Variants in ARRB2 observed in about 807,000 individuals in gnomAD.
ARRB2 encodes beta-arrestin-2.
Under a neutral mutation model 53.4 loss-of-function variants are expected in ARRB2, and 21 were observed. The observed-to-expected ratio is 0.39, with a 90% CI of 0.28 to 0.57. The LOEUF (loss-of-function observed/expected upper bound fraction) is 0.57. Among genes scored for constraint, ARRB2 ranks in the 20% least tolerant of loss-of-function variants. The pLI, the probability that ARRB2 is intolerant of heterozygous loss-of-function variation, is 0.55. For missense variants in ARRB2, 369 were observed against 527.5 expected, an observed-to-expected ratio of 0.70 and a Z score of 2.94; for synonymous variants, 180 against 212.9, an observed-to-expected ratio of 0.85 and a Z score of 1.34.
chr17:4,719,198 G>A, intron 10 of ARRB2, 85 bp from the exon 11 acceptor site: 3 of 1,500,108 alleles, frequency 2.0e-6, no homozygotes, highest in Non-Finnish European at 2.7e-6. Flanking sequence ...GACTAGTGAG[G>A]GGGAGATGCT....
intron 5 of ARRB2, chr17:4,716,962 G>A: frequency 1.7e-6 from 1 of 587,652 alleles, no homozygotes; most frequent in East Asian, 2.9e-5. Flanking sequence ...AGCCTCCCGA[G>A]TAGCTGGGAT....
In ARRB2 at chr17:4,717,097, G is replaced by C; in HGVS notation, c.358-120G>C. ...GATCCGCCCACCTTAGCCTTCCAAA[G>C]TGTTGGGATTACAGGCATGAGCCAC... On this transcript the variant is annotated intron_variant, in intron 5 of 14. Transcript: ENST00000269260. This position sits in a 1 kb window ranked among gnomAD's most constrained non-coding sequence, Gnocchi z 6.0. 8.5e-7 allele frequency: 1 copy of C among 1,171,656 alleles called. No individual in the cohort carries two copies. The highest frequency in any genetic ancestry group is 1.3e-6 in the Non-Finnish European group (1 of 786,442). The allele number at this position is 1,171,656 out of a possible 1,614,324, so 72.6% of individuals were successfully genotyped here.
In ARRB2 at chr17:4,717,491, G is replaced by A; in HGVS notation, c.418-194G>A. Reference sequence around the variant, plus strand: ...GACCCGCATGGATCTGGGGATGGGGGCTCCCCTTGCACTACCATGACCAAG... The same window carrying A: ...GACCCGCATGGATCTGGGGATGGGGACTCCCCTTGCACTACCATGACCAAG... On this transcript the variant is annotated intron_variant, in intron 6 of 14. Coordinates refer to ENST00000269260, the MANE Select transcript of ARRB2 (RefSeq NM_004313.4). This position sits in a 1 kb window ranked among gnomAD's most constrained non-coding sequence, Gnocchi z 6.0. The A allele has an allele frequency of 1.1e-6, 1 of 878,806 alleles. No individual in the cohort carries two copies. Among genetic ancestry groups the A allele is most frequent in the Non-Finnish European group, 1.8e-6 (1 of 567,096 alleles). 54.4% of individuals were successfully genotyped at this position (878,806 alleles called of 1,614,324 possible). A position where few individuals can be genotyped will look rare whatever the true frequency, so the allele number is the denominator to read the frequency against.
intron 11 of ARRB2, among the ~76,000 whole-genome samples, chr17:4,719,710 G>A (rs1261264795): frequency 6.6e-6 from 1 of 152,164 alleles, no homozygotes; most frequent in African/African-American, 2.4e-5. Context: ...GGGTGAGCAG[G>A]AAAGGAGGGT....
Position 4,720,988 on chromosome 17 carries a change from G to T in ARRB2, c.1179G>T (p.Arg393=). 3.1e-6 allele frequency: 5 copies of T among 1,614,100 alleles called. No individual in the cohort carries two copies. Among genetic ancestry groups the T allele is most frequent in the Non-Finnish European group, 4.2e-6 (5 of 1,180,004 alleles). ...ACATTGTGTTTGAGGACTTTGCCCGGCTTCGGCTGAAGGGGATGAAGGATG... is the reference window on the plus strand; with the variant it reads ...ACATTGTGTTTGAGGACTTTGCCCGTCTTCGGCTGAAGGGGATGAAGGATG... ...DDDIVFEDFA[R]LRLKGMKDDD... Residue 393 remains arginine, a synonymous_variant, in exon 15 of 15, where the codon CGG becomes CGT. Coordinates refer to ENST00000269260, the MANE Select transcript of ARRB2 (RefSeq NM_004313.4).
intron 10 of ARRB2, 74 bp downstream of exon 10, chr17:4,718,758 G>C (rs1915354795): frequency 3.2e-6 from 4 of 1,241,552 alleles, no homozygotes; most frequent in Non-Finnish European, 4.5e-6. Flanking sequence ...GGTGGAGGAA[G>C]AATTCTTCCT....
intron 4 of ARRB2, 85 bp from the exon 5 acceptor site, chr17:4,716,327 T>G: frequency 6.2e-7 from 1 of 1,611,290 alleles, no homozygotes. Flanking sequence ...AGTCTTATGC[T>G]GCTGAGGGAG....
At chr17:4,713,955 C>T (rs1914691432) in intron 1 of ARRB2, among the ~76,000 whole-genome samples, 1 of 152,188 alleles carries the variant, frequency 6.6e-6, no homozygotes, top group African/African-American at 2.4e-5. Flanking sequence ...CAGAGTGAGA[C>T]TCTGTCTCAA....
chr17:4,710,744 G>C lies in ARRB2; in HGVS notation c.23G>C (p.Arg8Thr), dbSNP rs1914303061. Reference sequence around the variant, plus strand: ...ACCATGGGGGAGAAACCCGGGACCAGGTAAGGGAGGTGGGGCCACGCGGCG... The same window carrying C: ...ACCATGGGGGAGAAACCCGGGACCACGTAAGGGAGGTGGGGCCACGCGGCG... Reference protein sequence around the residue: MGEKPGTRVFKKSSPNCK... With the variant: MGEKPGTTVFKKSSPNCK... The change falls in exon 1 of 15, where the codon AGG becomes ACG. Residue 8 changes from arginine to threonine, a missense_variant and splice_region_variant. Transcript: ENST00000269260. 2.5e-6 allele frequency: 1 copy of C among 399,446 alleles called. No individual in the cohort carries two copies. Among genetic ancestry groups the C allele is most frequent in the Non-Finnish European group, 4.4e-6 (1 of 226,628 alleles). The allele number at this position is 399,446 out of a possible 1,614,324, so 24.7% of individuals were successfully genotyped here.
chr17:4,720,943 A>G lies in ARRB2; in HGVS notation c.1137-3A>G, dbSNP rs1203725808. The G allele has an allele frequency of 1.2e-6, 2 of 1,613,854 alleles. No homozygotes were observed. The highest frequency in any genetic ancestry group is 1.7e-6 in the Non-Finnish European group (2 of 1,179,832). ...CCTCACAACCCTCTTTCCCACCACC[A>G]AGCTATGCCACAGATGATGACATTG... On this transcript the variant is annotated splice_region_variant and splice_polypyrimidine_tract_variant and intron_variant, in intron 14 of 14. Transcript: ENST00000269260.
At chr17:4,715,371 G>C (rs537257081) in intron 2 of ARRB2, 320 of 410,890 alleles carry the variant, frequency 7.8e-4, no homozygotes, top group Non-Finnish European at 9.4e-4. Flanking sequence ...CAGCCCCCGG[G>C]CTATGGCCTA....
At position 4,720,241 on chromosome 17, in the gene ARRB2, G is replaced by T. The variant is rs1327781752; in HGVS notation, c.943G>T (p.Val315Leu). The T allele has an allele frequency of 1.2e-6, 2 of 1,613,870 alleles. No homozygotes were observed. The highest frequency in any genetic ancestry group is 1.7e-6 in the Non-Finnish European group (2 of 1,179,898). ...CGTGAAGGAGGGTGCCAACAAGGAG[G>T]TGCTGGGAATCCTGGTGTCCTACAG... Reference protein sequence around the residue: ...TIVKEGANKEVLGILVSYRVK... With the variant: ...TIVKEGANKELLGILVSYRVK... The change falls in exon 12 of 15, where the codon GTG becomes TTG. Residue 315 changes from valine to leucine, a missense_variant. By Grantham distance (32) the Val-to-Leu change is conservative. Transcript: ENST00000269260.
rs1915225883 is a variant in ARRB2, at chr17:4,717,779, G to A, written c.485+27G>A. On this transcript the variant is annotated intron_variant, in intron 7 of 14. Transcript: ENST00000269260. This position sits in a 1 kb window ranked among gnomAD's most constrained non-coding sequence, Gnocchi z 6.0. ...TAAGGGAAGTGACCTCCTCTGTGGT[G>A]TAAGAGGAGGCTTTCCTCCCCGCTT... is the stretch of plus-strand genomic sequence containing the variant. 6.2e-7 allele frequency: 1 copy of A among 1,601,786 alleles called. No homozygotes were observed. Among genetic ancestry groups the A allele is most frequent in the Non-Finnish European group, 8.5e-7 (1 of 1,173,816 alleles).
intron 5 of ARRB2, chr17:4,716,962 G>C: frequency 1.7e-6 from 1 of 587,652 alleles, no homozygotes; most frequent in Non-Finnish European, 3.0e-6. Flanking sequence ...AGCCTCCCGA[G>C]TAGCTGGGAT....
intron 11 of ARRB2, 37 bp from the exon 12 acceptor site, chr17:4,720,179 A>G: frequency 1.9e-6 from 3 of 1,581,452 alleles, no homozygotes; most frequent in Non-Finnish European, 2.6e-6. Flanking sequence ...TGACAGGGTG[A>G]TAGGCCCTGG....
In ARRB2 at chr17:4,716,577, T is replaced by C; in HGVS notation, c.326T>C (p.Leu109Pro). ...TRLQDRLLRKLGQHAHPFFFT... is the reference protein window; with the variant it reads ...TRLQDRLLRKPGQHAHPFFFT... ...CTGCAGGACCGGCTGCTGAGGAAGCTGGGCCAGCATGCCCACCCCTTCTTC... is the reference window on the plus strand; with the variant it reads ...CTGCAGGACCGGCTGCTGAGGAAGCCGGGCCAGCATGCCCACCCCTTCTTC... Residue 109 changes from leucine to proline, a missense_variant, in exon 5 of 15, where the codon CTG becomes CCG. Transcript: ENST00000269260. 7.1e-7 allele frequency: 1 copy of C among 1,409,294 alleles called. No homozygotes were observed. The highest frequency in any genetic ancestry group is 2.0e-5 in the Admixed American group (1 of 49,424). The allele number at this position is 1,409,294 out of a possible 1,614,324, so 87.3% of individuals were successfully genotyped here.
At chr17:4,720,144 C>T (rs1454146834) in intron 11 of ARRB2, 72 bp from the exon 12 acceptor site, 7 of 1,497,788 alleles carry the variant, frequency 4.7e-6, no homozygotes, top group African/African-American at 4.2e-5. Context: ...CCAGAGTCCC[C>T]GTGGGAACCC....
intron 11 of ARRB2, 94 bp from the exon 12 acceptor site, chr17:4,720,122 T>G (rs1403037296): frequency 1.5e-6 from 2 of 1,338,822 alleles, no homozygotes. Context: ...CTGTGCGAGT[T>G]TGTGGTCCTG....
rs1181259789 is a variant in ARRB2, at chr17:4,716,083, T to C, written c.115+50T>C. On this transcript the variant is annotated intron_variant, in intron 3 of 14. Transcript: ENST00000269260. The stretch of plus-strand genomic sequence containing the variant: ...CTCGTTCCCCAAGAGGGGAAGAAGT[T>C]CCCGGGCCCAGGAAAGCGGGGAGCG... 6 of 1,614,100 alleles carry C rather than the reference T, an allele frequency of 3.7e-6. No homozygotes were observed. In the Admixed American group the frequency reaches 6.7e-5, roughly 18 times the overall value.
Sources: allele counts gnomAD v4.1 joint callset (sites outside exome capture counted in the v4.1 genomes callset), GRCh38; gene constraint gnomAD v4.1.1; non-coding constraint Gnocchi (gnomAD v3.1); transcripts MANE v1.5; gene names NCBI Gene and HGNC (gene_info 2026-07-23, HGNC 2026-07-21).